The following LRRTM4 variants were observed in gnomAD, a reference collection of about 807,000 sequenced individuals.
LRRTM4 encodes the protein leucine rich repeat transmembrane neuronal 4, also known as leucine-rich repeat transmembrane neuronal protein 4.
LRRTM4 carries 25 observed loss-of-function variants against 47.6 expected under a neutral mutation model. The ratio of observed to expected loss-of-function variants is 0.53; its 90% CI spans 0.38 to 0.73. LRRTM4 has a LOEUF of 0.73. Ranked by LOEUF, LRRTM4 falls within the 30% of genes least tolerant of loss-of-function variation. The pLI is 0.00. For synonymous variants in LRRTM4, 311 were observed against 269.5 expected, an observed-to-expected ratio of 1.15 and a Z score of -1.51; for missense variants, 638 against 713.4, an observed-to-expected ratio of 0.89 and a Z score of 1.20.
In LRRTM4 at chr2:77,458,584, G is replaced by A. The variant is rs184047264; in HGVS notation, c.1551+59734C>T. Among the ~76,000 whole-genome samples, 353 of 151,164 alleles carry A rather than the reference G, an allele frequency of 2.3e-3. 1 individual carries two copies. Among genetic ancestry groups the A allele is most frequent in the Admixed American group, 3.4e-3 (52 of 15,166 alleles). On this transcript the variant is annotated intron_variant, in intron 3 of 3. Coordinates refer to ENST00000409884, the MANE Select transcript of LRRTM4 (RefSeq NM_001134745.3). ...CCATTTGCACTTTCCATCAACTGCC[G>A]TTGGCTCTGGCTTCTACTGGTGCAA...
At chr2:77,338,895 T>A (rs1049976464) in intron 3 of LRRTM4, among the ~76,000 whole-genome samples, 4 of 152,010 alleles carry the variant, frequency 2.6e-5, no homozygotes, top group Non-Finnish European at 4.4e-5. Flanking sequence ...GTGCTACATA[T>A]TATACCATGG....
At chr2:77,413,462 A>G (rs1674518296) in intron 3 of LRRTM4, among the ~76,000 whole-genome samples, 1 of 152,172 alleles carries the variant, frequency 6.6e-6, no homozygotes, top group South Asian at 2.1e-4. Flanking sequence ...AAGCTACAGG[A>G]GAGCTTTCTT....
At chr2:77,207,532 G>C (rs1294410702) in intron 3 of LRRTM4, among the ~76,000 whole-genome samples, 2 of 151,726 alleles carry the variant, frequency 1.3e-5, no homozygotes, top group East Asian at 3.9e-4. Context: ...ACCTGGCTGT[G>C]ACTTATTGTT....
intron 3 of LRRTM4, among the ~76,000 whole-genome samples, chr2:76,807,425 C>CAT (rs70939835): frequency 0.25 from 24,413 of 97,598 alleles, 3,244 homozygotes; most frequent in Middle Eastern, 0.3. Flanking sequence ...TATATATATA[C>CAT]ATATATATAT....
chr2:76,904,214 G>C (rs1673741988), intron 3 of LRRTM4, among the ~76,000 whole-genome samples: 1 of 152,184 alleles, frequency 6.6e-6, no homozygotes, highest in South Asian at 2.1e-4. Flanking sequence ...CTGGAACAAA[G>C]TAGCATGTGA....
chr2:77,016,322 G>A (rs1678066082), intron 3 of LRRTM4, among the ~76,000 whole-genome samples: 1 of 151,138 alleles, frequency 6.6e-6, no homozygotes, highest in Non-Finnish European at 1.5e-5. Context: ...GGAGGCAGAG[G>A]TTGCAGTGAG....
chr2:77,087,557 A>G (rs999179633), intron 3 of LRRTM4, among the ~76,000 whole-genome samples: 1 of 152,254 alleles, frequency 6.6e-6, no homozygotes, highest in Admixed American at 6.5e-5. Context: ...TGCAAATTAC[A>G]TCTTGAGAAA....
intron 3 of LRRTM4, among the ~76,000 whole-genome samples, chr2:77,011,775 A>T (rs1677885448): frequency 6.6e-6 from 1 of 152,016 alleles, no homozygotes; most frequent in Admixed American, 6.6e-5. Context: ...ACTCTTAAAA[A>T]TTTCAATATT....
At chr2:76,761,184 C>T (rs903994948) in intron 3 of LRRTM4, among the ~76,000 whole-genome samples, 5 of 152,184 alleles carry the variant, frequency 3.3e-5, no homozygotes, top group Non-Finnish European at 7.3e-5. Flanking sequence ...CTATGCCTGC[C>T]GGGAGATTGC....
chr2:77,115,440 C>T (rs555501010), intron 3 of LRRTM4, among the ~76,000 whole-genome samples: 5 of 152,094 alleles, frequency 3.3e-5, no homozygotes, highest in Admixed American at 2.0e-4. Flanking sequence ...TCTCAGCTTA[C>T]GAAGATAACA....
At chr2:77,475,893 C>A (rs1308446962) in intron 3 of LRRTM4, among the ~76,000 whole-genome samples, 2 of 151,688 alleles carry the variant, frequency 1.3e-5, no homozygotes, top group South Asian at 2.1e-4. Flanking sequence ...ACATTCTATG[C>A]CTATTTTTAT....
At chr2:77,367,025 C>T (rs985228346) in intron 3 of LRRTM4, among the ~76,000 whole-genome samples, 5 of 151,748 alleles carry the variant, frequency 3.3e-5, no homozygotes, top group African/African-American at 7.2e-5. Context: ...CCATCCCTGC[C>T]ACATAATTCC....
intron 3 of LRRTM4, among the ~76,000 whole-genome samples, chr2:76,818,501 G>A (rs901784008): frequency 5.3e-5 from 8 of 151,814 alleles, no homozygotes; most frequent in Non-Finnish European, 1.0e-4. Context: ...GCAAATGCTT[G>A]TATAAAAACT....
intron 3 of LRRTM4, among the ~76,000 whole-genome samples, chr2:76,984,955 T>A (rs1676741602): frequency 1.3e-5 from 2 of 152,004 alleles, no homozygotes; most frequent in African/African-American, 4.8e-5. Context: ...AAATAATTAT[T>A]TTTTCTGAAA....
chr2:77,417,681 C>A (rs1674691670), intron 3 of LRRTM4, among the ~76,000 whole-genome samples: 1 of 149,146 alleles, frequency 6.7e-6, no homozygotes, highest in South Asian at 2.1e-4. Context: ...CCAAGCACCG[C>A]ATATTCCCAC....
intron 3 of LRRTM4, among the ~76,000 whole-genome samples, chr2:77,004,356 C>G (rs1031693019): frequency 6.6e-6 from 1 of 152,142 alleles, no homozygotes; most frequent in African/African-American, 2.4e-5. Flanking sequence ...CTAGTCATGG[C>G]TAAAAGAGAC....
At chr2:77,146,665 A>G (rs949757761) in intron 3 of LRRTM4, among the ~76,000 whole-genome samples, 13 of 152,172 alleles carry the variant, frequency 8.5e-5, no homozygotes, top group African/African-American at 2.9e-4. Flanking sequence ...GGTGAAATGC[A>G]GATATTCCAG....
intron 3 of LRRTM4, among the ~76,000 whole-genome samples, chr2:77,242,366 A>G (rs1675291544): frequency 6.6e-6 from 1 of 152,160 alleles, no homozygotes; most frequent in Non-Finnish European, 1.5e-5. Context: ...GACACAATCA[A>G]CAGAGTGAAA....
At chr2:76,953,142 A>G (rs909813523) in intron 3 of LRRTM4, among the ~76,000 whole-genome samples, 3 of 142,020 alleles carry the variant, frequency 2.1e-5, no homozygotes, top group African/African-American at 8.2e-5. Context: ...CACTGTATCT[A>G]AAATAAAATT....
Sources: gnomAD v4.1 joint callset for allele counts (sites outside exome capture counted in the v4.1 genomes callset) on GRCh38, gnomAD v4.1.1 for gene constraint, MANE v1.5 for transcripts, NCBI Gene and HGNC (gene_info 2026-07-23, HGNC 2026-07-21) for gene names.